UBAP2: variants seen among roughly 807,000 people sequenced by gnomAD.
UBAP2 encodes the protein ubiquitin-associated protein 2.
Under a neutral mutation model 139.6 loss-of-function variants are expected in UBAP2, and 75 were observed. That is an observed-to-expected ratio of 0.54 (90% CI 0.45 to 0.65). UBAP2 has a LOEUF of 0.65. Ranked by LOEUF, UBAP2 falls within the 30% of genes least tolerant of loss-of-function variation. UBAP2 has a pLI of 0.00. For missense variants in UBAP2, 1,368 were observed against 1,369.6 expected (o/e 1.00, Z 0.02); for synonymous variants, 526 against 526.2 (o/e 1.00, Z 0.01).
At chr9:33,924,161 G>C (rs576855599) in intron 23 of UBAP2, 45 bp downstream of exon 23, 9 of 1,607,786 alleles carry the variant, frequency 5.6e-6, no homozygotes, top group Non-Finnish European at 7.7e-6. Context: ...TGGAGTTCGC[G>C]CTAGGCCGGC....
At chr9:33,999,000 C>A in intron 2 of UBAP2, 136 bp from the exon 3 acceptor site, 1 of 652,108 alleles carries the variant, frequency 1.5e-6, no homozygotes, top group South Asian at 2.0e-5. Flanking sequence ...TGAATTTAGG[C>A]CTCTCAACCA....
chr9:34,028,623 G>A (rs1400086907), intron 1 of UBAP2, among the ~76,000 whole-genome samples: 4 of 151,864 alleles, frequency 2.6e-5, no homozygotes, highest in African/African-American at 7.2e-5. Context: ...TAAGTGATCC[G>A]CCTACCTCAG....
intron 12 of UBAP2, among the ~76,000 whole-genome samples, chr9:33,950,036 T>C (rs973251556): frequency 1.1e-4 from 17 of 151,892 alleles, no homozygotes; most frequent in African/African-American, 3.9e-4. Flanking sequence ...TTCTGAAATA[T>C]AAGTTCTTCA....
rs187591412 is a variant in UBAP2, at chr9:34,031,104, C to G, written c.-41-13915G>C. Among the ~76,000 whole-genome samples, 189 of 151,810 alleles carry G rather than the reference C, an allele frequency of 1.2e-3. 1 individual carries two copies. Among genetic ancestry groups the G allele is most frequent in the Admixed American group, 3.8e-3 (58 of 15,196 alleles). On this transcript the variant is annotated intron_variant, in intron 1 of 28. Transcript: ENST00000379238. ...GACCAGCCTGGCCAAATGGTAAAAC[C>G]CTCTCTCTACTAAACATACAAAACT... is the stretch of plus-strand genomic sequence containing the variant.
chr9:34,047,714 TGC>T (rs773506086), intron 1 of UBAP2, among the ~76,000 whole-genome samples: 16 of 152,220 alleles, frequency 1.1e-4, no homozygotes, highest in Non-Finnish European at 2.2e-4. Flanking sequence ...AGCACCGTGG[TGC>T]ACACTGTAAT....
intron 2 of UBAP2, among the ~76,000 whole-genome samples, chr9:34,014,943 C>T (rs1824118133): frequency 6.6e-6 from 1 of 152,126 alleles, no homozygotes; most frequent in Non-Finnish European, 1.5e-5. Context: ...CACTGAGTAG[C>T]AGAGATATCT....
At chr9:33,982,045 T>C (rs1196823044) in intron 6 of UBAP2, among the ~76,000 whole-genome samples, 1 of 152,148 alleles carries the variant, frequency 6.6e-6, no homozygotes, top group East Asian at 1.9e-4. Flanking sequence ...CCTTCCCCTA[T>C]GATCATCACA....
intron 1 of UBAP2, among the ~76,000 whole-genome samples, chr9:34,035,339 C>T (rs1348526131): frequency 6.6e-6 from 1 of 150,406 alleles, no homozygotes; most frequent in Non-Finnish European, 1.5e-5. Flanking sequence ...CCCATCTCTA[C>T]AAAAGTACAA....
chr9:33,940,796 A>G (rs1375902737), intron 16 of UBAP2, among the ~76,000 whole-genome samples: 1 of 152,130 alleles, frequency 6.6e-6, no homozygotes, highest in Non-Finnish European at 1.5e-5. Context: ...AAAACAAACA[A>G]TCCACAGAAT....
intron 1 of UBAP2, among the ~76,000 whole-genome samples, chr9:34,046,980 C>A (rs1827661079): frequency 6.6e-6 from 1 of 152,132 alleles, no homozygotes; most frequent in Non-Finnish European, 1.5e-5. Context: ...CTCCATGTGA[C>A]TACTGCTGAT....
intron 1 of UBAP2, among the ~76,000 whole-genome samples, chr9:34,027,384 G>A (rs1324268638): frequency 6.6e-6 from 1 of 152,130 alleles, no homozygotes; most frequent in Non-Finnish European, 1.5e-5. Flanking sequence ...GGGAGGCTGA[G>A]GCAGGAGAAT....
At chr9:33,935,725 CTT>C in intron 17 of UBAP2, 112 bp downstream of exon 17, 1 of 1,276,262 alleles carries the variant, frequency 7.8e-7, no homozygotes, top group Non-Finnish European at 1.1e-6. Context: ...AAAAGGGCTG[CTT>C]TTTAACGAAT....
chr9:34,034,633 G>A (rs966038852), intron 1 of UBAP2, among the ~76,000 whole-genome samples: 7 of 152,198 alleles, frequency 4.6e-5, no homozygotes, highest in Non-Finnish European at 8.8e-5. Context: ...CCAGCACTTT[G>A]GGAGGCACAG....
chr9:33,973,010 C>T (rs559674234), intron 7 of UBAP2, among the ~76,000 whole-genome samples, 173 bp downstream of exon 7: 7 of 152,238 alleles, frequency 4.6e-5, no homozygotes, highest in African/African-American at 1.7e-4. Flanking sequence ...GCTCTAATGC[C>T]TGTTTAAAAG....
chr9:34,032,414 G>GT (rs1825964628), intron 1 of UBAP2, among the ~76,000 whole-genome samples: 1 of 152,096 alleles, frequency 6.6e-6, no homozygotes, highest in Non-Finnish European at 1.5e-5. Context: ...ATCCACCAAA[G>GT]TAAGATTAAC....
At chr9:33,969,168 TATCA>T (rs1327552776) in intron 8 of UBAP2, among the ~76,000 whole-genome samples, 1 of 152,238 alleles carries the variant, frequency 6.6e-6, no homozygotes, top group Non-Finnish European at 1.5e-5. Flanking sequence ...ATTATGTTGC[TATCA>T]ATCTTTTTGT....
rs149718230 is a variant in UBAP2 at position 33,924,337 on chromosome 9, G to T, written c.2512-53C>A. On this transcript the variant is annotated intron_variant, in intron 22 of 28. Coordinates refer to ENST00000379238, the MANE Select transcript of UBAP2 (RefSeq NM_001370062.2). Reference sequence around the variant, plus strand: ...GCGACTGGCCCTGCTTGACTCCCAGGAGAGCAGAACCAGCACATGGAAGTG... The same window carrying T: ...GCGACTGGCCCTGCTTGACTCCCAGTAGAGCAGAACCAGCACATGGAAGTG... The T allele has an allele frequency of 5.0e-4, 770 of 1,550,962 alleles. 18 individuals are homozygous for T. In the East Asian group the frequency reaches 0.017, roughly 35 times the overall value.
At position 33,995,870 on chromosome 9, in the gene UBAP2, G is replaced by A. The variant is rs539479717; in HGVS notation, c.288+353C>T. The A allele has an allele frequency of 1.9e-4, 32 of 166,918 alleles. No individual in the cohort carries two copies. The East Asian group carries it at 4.9e-3, about 25-fold the overall frequency. The allele number at this position is 166,918 out of a possible 1,614,324, so 10.3% of individuals were successfully genotyped here. A position where few individuals can be genotyped will look rare whatever the true frequency, so the allele number is the denominator to read the frequency against. ...CCTGGTTTTCTGTTATAATAGAGAT[G>A]TAAGAAGTAATCAGAGGTGAGGACT... On this transcript the variant is annotated intron_variant, in intron 4 of 28. Transcript: ENST00000379238.
At chr9:33,993,581 G>A (rs1821897676) in intron 4 of UBAP2, among the ~76,000 whole-genome samples, 1 of 152,180 alleles carries the variant, frequency 6.6e-6, no homozygotes, top group Admixed American at 6.5e-5. Flanking sequence ...CTGGAGGATG[G>A]CATAAGCCCG....
Sources: allele counts gnomAD v4.1 joint callset (sites outside exome capture counted in the v4.1 genomes callset), GRCh38; gene constraint gnomAD v4.1.1; transcripts MANE v1.5; gene names NCBI Gene and HGNC (gene_info 2026-07-23, HGNC 2026-07-21).